TFR2: variants seen among roughly 807,000 people sequenced by gnomAD.
TFR2 encodes transferrin receptor 2.
TFR2 carries 64 observed loss-of-function variants against 91.9 expected under a neutral mutation model. That is an observed-to-expected ratio of 0.70 (90% confidence interval 0.57 to 0.86). The LOEUF is 0.86. Ranked by LOEUF, TFR2 falls within the 40% of genes least tolerant of loss-of-function variation. The pLI is 0.00. For missense variants in TFR2, 950 were observed against 1,080.5 expected (o/e 0.88, Z 1.69); for synonymous variants, 454 against 459.6 (o/e 0.99, Z 0.15).
chr7:100,621,973 A>T (rs1477984166), intron 17 of TFR2, among the ~76,000 whole-genome samples: 1 of 152,022 alleles, frequency 6.6e-6, no homozygotes, highest in Non-Finnish European at 1.5e-5. Flanking sequence ...TTAAATTATC[A>T]TTGCCTGGGC....
chr7:100,631,830 G>A lies in TFR2; in HGVS notation c.1082C>T (p.Ala361Val), dbSNP rs1803444761. The A allele has an allele frequency of 6.2e-7, 1 of 1,613,532 alleles. No homozygotes were observed. Among genetic ancestry groups the A allele is most frequent in the African/African-American group, 1.3e-5 (1 of 74,996 alleles). Residue 361 changes from alanine (A) to valine (V), a missense_variant, in exon 8 of 18, where the codon GCA becomes GTA. Coordinates refer to ENST00000223051, the MANE Select transcript of TFR2 (RefSeq NM_003227.4). ...LPSIPAQPIS[A>V]DIASRLLRKL... Reference sequence around the variant, plus strand: ...CCTCAGCAGGCGGGAGGCAATGTCTGCACTGATGGGCTGGGCTGGGATGCT... The same window carrying A: ...CCTCAGCAGGCGGGAGGCAATGTCTACACTGATGGGCTGGGCTGGGATGCT...
chr7:100,640,539 G>A (rs1803675519), intron 3 of TFR2, 147 bp downstream of exon 3: 2 of 874,844 alleles, frequency 2.3e-6, no homozygotes, highest in Middle Eastern at 3.5e-4. Context: ...TCCCAGGACC[G>A]CTGAACAGGG....
intron 3 of TFR2, among the ~76,000 whole-genome samples, chr7:100,636,602 T>C (rs1803575482): frequency 2.0e-5 from 3 of 152,102 alleles, no homozygotes; most frequent in South Asian, 2.1e-4. Context: ...AGACAGGATA[T>C]ATTGTATCAG....
Position 100,633,050 on chromosome 7 carries a change from A to G in TFR2, c.800T>C (p.Val267Ala). 1.2e-6 allele frequency: 2 copies of G among 1,613,594 alleles called. No homozygotes were observed. Among genetic ancestry groups the G allele is most frequent in the Non-Finnish European group, 1.7e-6 (2 of 1,179,954 alleles). ...QDLRARGVDP[V>A]GRLLLVRVGV... ...CACGCGCACCAGCAGCAGGCGGCCC[A>G]CTGGATCCACGCCCCTGGCCCGCAG... The change falls in exon 6 of 18, where the codon GTG (valine) becomes GCG (alanine). Residue 267 changes from valine to alanine, a missense_variant. Physicochemically the swap from Val to Ala is moderately conservative, Grantham distance 64. Transcript: ENST00000223051.
At position 100,620,649 on chromosome 7, in the gene TFR2, G is replaced by A. The variant is rs759379957; in HGVS notation, c.*208C>T. 48 of 622,062 alleles carry A rather than the reference G, an allele frequency of 7.7e-5. 1 individual carries two copies. In the South Asian group the frequency reaches 8.3e-4, roughly 11 times the overall value. 38.5% of individuals were successfully genotyped at this position (622,062 alleles called of 1,614,324 possible). A position where few individuals can be genotyped will look rare whatever the true frequency, so the allele number is the denominator to read the frequency against. On this transcript the variant is annotated 3_prime_UTR_variant, in exon 18 of 18. Transcript: ENST00000223051. The stretch of plus-strand genomic sequence containing the variant: ...TCTCTGATTAACCGACAGTATGACC[G>A]TCACATTAGGGTCAGCTACACTGCA...
chr7:100,627,682 G>A (rs35383296), intron 14 of TFR2, 21 bp from the exon 15 acceptor site: 2 of 1,613,986 alleles, frequency 1.2e-6, no homozygotes, highest in Non-Finnish European at 8.5e-7. Flanking sequence ...GTGGGTTGGA[G>A]CGATCTGTGG....
chr7:100,630,101 A>C (rs1045926534), intron 9 of TFR2, among the ~76,000 whole-genome samples: 1 of 152,014 alleles, frequency 6.6e-6, no homozygotes, highest in African/African-American at 2.4e-5. Context: ...CCATCTGTCA[A>C]TTACTTATTT....
In TFR2 at chr7:100,640,879, G is replaced by A; in HGVS notation, c.287-7C>T. 6.2e-7 allele frequency: 1 copy of A among 1,614,020 alleles called. No individual in the cohort carries two copies. Among genetic ancestry groups the A allele is most frequent in the East Asian group, 2.2e-5 (1 of 44,874 alleles). ...ACGTAGCCCAGTAGGAAGGCTGGCG[G>A]GTGGCAAGATGGGGATTCTCTTTAT... On this transcript the variant is annotated splice_region_variant and splice_polypyrimidine_tract_variant and intron_variant, in intron 2 of 17. Transcript: ENST00000223051.
At chr7:100,640,162 C>G (rs1803665338) in intron 3 of TFR2, 1 of 159,214 alleles carries the variant, frequency 6.3e-6, no homozygotes, top group African/African-American at 2.4e-5. Context: ...TCACTGCAAC[C>G]TCCGCCTCCC....
At chr7:100,639,371 A>AAATC (rs1803644673) in intron 3 of TFR2, among the ~76,000 whole-genome samples, 1 of 152,268 alleles carries the variant, frequency 6.6e-6, no homozygotes, top group Non-Finnish European at 1.5e-5. Flanking sequence ...CCGTCTCAAA[A>AAATC]AATCAATCAA....
chr7:100,631,864 C>T lies in TFR2; in HGVS notation c.1048G>A (p.Gly350Ser), dbSNP rs1372491378. Residue 350 changes from glycine (G) to serine (S), a missense_variant, in exon 8 of 18, where the codon GGC becomes AGC. Transcript: ENST00000223051. ...GGCTGGGCTGGGATGCTGGGAAGGC[C>T]TGATGATGCAACTGGAGGGAACTGG... ...QTQFPPVASS[G>S]LPSIPAQPIS... The T allele has an allele frequency of 6.2e-7, 1 of 1,613,862 alleles. No homozygotes were observed. The highest frequency in any genetic ancestry group is 8.5e-7 in the Non-Finnish European group (1 of 1,180,010).
intron 10 of TFR2, 140 bp from the exon 11 acceptor site, chr7:100,628,446 C>A: frequency 1.2e-6 from 1 of 848,666 alleles, no homozygotes. Context: ...CTCGCCCAGG[C>A]TGGAGTGCAG....
In TFR2 at chr7:100,626,596, C is replaced by T; in HGVS notation, c.2136+167G>A. The T allele has an allele frequency of 2.8e-6, 4 of 1,437,724 alleles. No individual in the cohort carries two copies. In the South Asian group the frequency reaches 5.8e-5, roughly 21 times the overall value. The allele number at this position is 1,437,724 out of a possible 1,614,324, so 89.1% of individuals were successfully genotyped here. A position where few individuals can be genotyped will look rare whatever the true frequency, so the allele number is the denominator to read the frequency against. On this transcript the variant is annotated intron_variant, in intron 17 of 17. Transcript: ENST00000223051. ...TGATCGCTCGGGTCCTCCAGCCTGA[C>T]CGATCTATGAGCACTGCGTGTCCAG...
Position 100,627,145 on chromosome 7 carries a change from G to T in TFR2, c.1995+119C>A, listed in dbSNP as rs549464233. ...GGGAGACTGGAGGCAGGGGGTTAAT[G>T]GGCTGGATTGCCAGAGAGGACCTAG... On this transcript the variant is annotated intron_variant, in intron 16 of 17. Coordinates refer to ENST00000223051, the MANE Select transcript of TFR2 (RefSeq NM_003227.4). 9 of 1,303,630 alleles carry T rather than the reference G, an allele frequency of 6.9e-6. No homozygotes were observed. The Admixed American group carries it at 1.6e-4, about 23-fold the overall frequency. The allele number at this position is 1,303,630 out of a possible 1,614,324, so 80.8% of individuals were successfully genotyped here. A position where few individuals can be genotyped will look rare whatever the true frequency, so the allele number is the denominator to read the frequency against.
At chr7:100,626,721 G>T in intron 17 of TFR2, 42 bp downstream of exon 17, 1 of 1,535,388 alleles carries the variant, frequency 6.5e-7, no homozygotes, top group Non-Finnish European at 8.7e-7. Context: ...CCCAGGGGAG[G>T]GGCGGGACAC....
intron 9 of TFR2, among the ~76,000 whole-genome samples, chr7:100,629,946 A>G (rs984966686): frequency 6.6e-6 from 1 of 152,110 alleles, no homozygotes; most frequent in Non-Finnish European, 1.5e-5. Context: ...GGGTTTCACC[A>G]TGTTAGCCAG....
At chr7:100,627,108 A>G (rs983011518) in intron 16 of TFR2, among the ~76,000 whole-genome samples, 156 bp downstream of exon 16, 3 of 152,022 alleles carry the variant, frequency 2.0e-5, no homozygotes, top group African/African-American at 7.2e-5. Context: ...GCGATGGCAC[A>G]TGCTGGGGGC....
In TFR2 at chr7:100,633,021, C is replaced by T; in HGVS notation, c.829G>A (p.Val277Met). 1 of 1,613,802 alleles carries T rather than the reference C, an allele frequency of 6.2e-7. No individual in the cohort carries two copies. Among genetic ancestry groups the T allele is most frequent in the Non-Finnish European group, 8.5e-7 (1 of 1,180,006 alleles). Reference sequence around the variant, plus strand: ...CTTACCTTCTGGGCGAAGCTGATCACCCCCACGCGCACCAGCAGCAGGCGG... The same window carrying T: ...CTTACCTTCTGGGCGAAGCTGATCATCCCCACGCGCACCAGCAGCAGGCGG... ...VGRLLLVRVG[V>M]ISFAQKVTNA... The change falls in exon 6 of 18, where the codon GTG becomes ATG. Residue 277 changes from valine to methionine, a missense_variant. Val to Met is a conservative substitution (Grantham distance 21, BLOSUM62 1). Transcript: ENST00000223051.
chr7:100,626,140 G>A (rs1803244039), intron 17 of TFR2, among the ~76,000 whole-genome samples: 1 of 152,162 alleles, frequency 6.6e-6, no homozygotes, highest in Non-Finnish European at 1.5e-5. Context: ...GACATCAAAG[G>A]GTTGAGGGGT....
Sources: gnomAD v4.1 joint callset for allele counts (sites outside exome capture counted in the v4.1 genomes callset) on GRCh38, gnomAD v4.1.1 for gene constraint, MANE v1.5 for transcripts, NCBI Gene and HGNC (gene_info 2026-07-23, HGNC 2026-07-21) for gene names.